Variants in OR56A3 observed in about 807,000 individuals in gnomAD.
The protein encoded by OR56A3 is olfactory receptor 56A3.
OR56A3 carries 23 observed loss-of-function variants against 17.5 expected under a neutral mutation model. The observed-to-expected ratio is 1.32, with a 90% CI of 0.95 to 1.87. The LOEUF (loss-of-function observed/expected upper bound fraction) is 1.87. OR56A3 is among the 40% of genes most tolerant of loss of function. The pLI is 0.00. For missense variants in OR56A3, 366 were observed against 380.1 expected (o/e 0.96, Z 0.31); for synonymous variants, 175 against 150.6 (o/e 1.16, Z -1.19).
chr11:5,976,119 G>A, the OR56A3 span, among the ~76,000 whole-genome samples: 1 of 151,872 alleles, frequency 6.6e-6, no homozygotes, highest in African/African-American at 2.4e-5. Flanking sequence ...CTTGTCTCTA[G>A]GAGCAGGAGG....
the OR56A3 span, chr11:5,968,466 GA>G: frequency 1.3e-6 from 2 of 1,561,040 alleles, no homozygotes; most frequent in African/African-American, 2.7e-5. Flanking sequence ...AAAGACTGGG[GA>G]AGTGGAGTTG....
the OR56A3 span, chr11:5,967,279 G>A: frequency 2.6e-6 from 1 of 377,872 alleles, no homozygotes. Flanking sequence ...ACAATTCTAA[G>A]CTCCAGTGAT....
At chr11:5,992,714 TGA>T in the OR56A3 span, among the ~76,000 whole-genome samples, 2 of 152,186 alleles carry the variant, frequency 1.3e-5, no homozygotes, top group African/African-American at 4.8e-5. Flanking sequence ...TGAGATGGGC[TGA>T]GGCCTTCTCT....
At chr11:6,018,422 A>T in the OR56A3 span, among the ~76,000 whole-genome samples, 2 of 152,144 alleles carry the variant, frequency 1.3e-5, no homozygotes, top group Admixed American at 1.3e-4. Context: ...AAATAAATGG[A>T]AATTAAACAA....
At chr11:6,006,877 C>A in the OR56A3 span, 3 of 152,556 alleles carry the variant, frequency 2.0e-5, no homozygotes, top group Non-Finnish European at 4.4e-5. Context: ...TCATCAGCAT[C>A]CTCTTCCTCA....
Position 5,948,297 on chromosome 11 carries a change from A to G in OR56A3, c.*3A>G. 6.3e-7 allele frequency: 1 copy of G among 1,589,946 alleles called. No individual in the cohort carries two copies. Among genetic ancestry groups the G allele is most frequent in the East Asian group, 2.2e-5 (1 of 44,712 alleles). On this transcript the variant is annotated 3_prime_UTR_variant, in exon 3 of 3. Transcript: ENST00000641160. ...GGTTGTTGAAGAAAGGGTGCTAACA[A>G]GGACCACTGGATCTCTGAATATCTA...
downstream of OR56A3, among the ~76,000 whole-genome samples, chr11:5,953,094 G>A (rs1029161826): frequency 2.6e-5 from 4 of 152,116 alleles, no homozygotes; most frequent in African/African-American, 4.8e-5. Context: ...TTGCTATTGC[G>A]AATAGTGCTG....
chr11:5,944,654 C>T (rs1847857620), intron 1 of OR56A3, among the ~76,000 whole-genome samples, 152 bp from the exon 2 acceptor site: 1 of 152,140 alleles, frequency 6.6e-6, no homozygotes. Context: ...TGTAAAACCA[C>T]TAAAATATGA....
the OR56A3 span, among the ~76,000 whole-genome samples, chr11:5,964,097 T>C: frequency 1.2e-4 from 18 of 152,210 alleles, no homozygotes; most frequent in Non-Finnish European, 2.9e-5. Flanking sequence ...ATATTTTTTA[T>C]TTTGGTTACT....
chr11:5,948,409 T>C lies in OR56A3; in HGVS notation c.*115T>C. 1.5e-6 allele frequency: 1 copy of C among 671,420 alleles called. No individual in the cohort carries two copies. The highest frequency in any genetic ancestry group is 2.5e-6 in the Non-Finnish European group (1 of 392,936). The allele number at this position is 671,420 out of a possible 1,614,324, so 41.6% of individuals were successfully genotyped here. A position where few individuals can be genotyped will look rare whatever the true frequency, so the allele number is the denominator to read the frequency against. ...ATAACCTCAAACTGGGTACACTAGA[T>C]ATTGTGTGTGCTTTTCAAAAACATC... On this transcript the variant is annotated 3_prime_UTR_variant, in exon 3 of 3. Transcript: ENST00000641160.
the OR56A3 span, among the ~76,000 whole-genome samples, chr11:6,004,041 T>C: frequency 6.6e-6 from 1 of 152,314 alleles, no homozygotes; most frequent in South Asian, 2.1e-4. Flanking sequence ...GTAACAGCAA[T>C]GACTGTCACA....
chr11:5,994,715 A>T, the OR56A3 span: 192,931 of 827,024 alleles, frequency 0.23, 25,917 homozygotes, highest in Admixed American at 0.38. Flanking sequence ...TTGCAGAATG[A>T]TGCGGGCATT....
At chr11:6,015,105 G>A in the OR56A3 span, among the ~76,000 whole-genome samples, 1 of 151,198 alleles carries the variant, frequency 6.6e-6, no homozygotes, top group South Asian at 2.1e-4. Flanking sequence ...GAAAAGGAAA[G>A]CCCATTTTCA....
At chr11:6,001,573 G>T in the OR56A3 span, 577 of 154,266 alleles carry the variant, frequency 3.7e-3, 1 homozygote, top group Non-Finnish European at 6.3e-3. Context: ...ACCCCAAGTT[G>T]TTCCAGGGTG....
At chr11:6,014,989 C>CAAAAAAAAAAAAAAA in the OR56A3 span, among the ~76,000 whole-genome samples, 111 of 35,200 alleles carry the variant, frequency 3.2e-3, 19 homozygotes, top group East Asian at 0.011. Context: ...TATTCATGGG[C>CAAAAAAAAAAAAAAA]AAAAAAAAAA....
At chr11:5,967,700 G>A in the OR56A3 span, 3 of 1,613,584 alleles carry the variant, frequency 1.9e-6, no homozygotes, top group Middle Eastern at 3.3e-4. Flanking sequence ...TCCTGGCCAG[G>A]TTAGTGATGA....
the OR56A3 span, chr11:5,994,851 C>T: frequency 9.2e-6 from 7 of 761,864 alleles, no homozygotes; most frequent in Non-Finnish European, 1.4e-5. Context: ...TTCTAGTTCT[C>T]AGTCTCCAGG....
rs1325286415 is a variant in OR56A3 at position 5,949,321 on chromosome 11, T to G, written c.*1027T>G. On this transcript the variant is annotated 3_prime_UTR_variant, in exon 3 of 3. Coordinates refer to ENST00000641160, the MANE Select transcript of OR56A3 (RefSeq NM_001003443.3). ...TTCTAAACTGTAGAGCAGTGAGGAATGGGATAAAAGATATGTATGGGCAGT... is the reference window on the plus strand; with the variant it reads ...TTCTAAACTGTAGAGCAGTGAGGAAGGGGATAAAAGATATGTATGGGCAGT... The G allele has an allele frequency of 6.6e-6, 1 of 152,162 alleles. No individual in the cohort carries two copies. The highest frequency in any genetic ancestry group is 2.4e-5 in the African/African-American group (1 of 41,430). 9.4% of individuals were successfully genotyped at this position (152,162 alleles called of 1,614,324 possible). A position where few individuals can be genotyped will look rare whatever the true frequency, so the allele number is the denominator to read the frequency against.
At chr11:5,977,057 T>C in the OR56A3 span, among the ~76,000 whole-genome samples, 8 of 152,234 alleles carry the variant, frequency 5.3e-5, no homozygotes, top group South Asian at 2.1e-4. Context: ...TTCACATTTA[T>C]GGCAGTGTAG....
Sources: gnomAD v4.1 joint callset for allele counts (sites outside exome capture counted in the v4.1 genomes callset) on GRCh38, gnomAD v4.1.1 for gene constraint, MANE v1.5 for transcripts, NCBI Gene and HGNC (gene_info 2026-07-23, HGNC 2026-07-21) for gene names.